Variants in HDAC9 observed in about 807,000 individuals in gnomAD.
HDAC9 encodes the protein histone deacetylase 9.
In HDAC9, 41 loss-of-function variants were observed where a neutral mutation model predicts 139.4. That is an observed-to-expected ratio of 0.29 (90% CI 0.23 to 0.38). The LOEUF (loss-of-function observed/expected upper bound fraction) is 0.38. HDAC9 is among the 10% of genes least tolerant of loss of function. The pLI is 1.00. For missense variants in HDAC9, 1,147 were observed against 1,297.0 expected (o/e 0.88, Z 1.78); for synonymous variants, 517 against 476.2 (o/e 1.09, Z -1.12).
At chr7:18,496,183 A>T (rs1796890484) in intron 1 of HDAC9, 79 bp from the exon 2 acceptor site, 2 of 1,516,420 alleles carry the variant, frequency 1.3e-6, no homozygotes, top group Non-Finnish European at 1.8e-6. Flanking sequence ...AGCAGTGATG[A>T]ATGTTTCATG....
At chr7:18,504,111 G>A (rs1177552054) in intron 2 of HDAC9, among the ~76,000 whole-genome samples, 1 of 152,112 alleles carries the variant, frequency 6.6e-6, no homozygotes, top group Admixed American at 6.5e-5. Flanking sequence ...CTTGTGTTAA[G>A]CACTGTTTTA....
chr7:18,721,191 A>G (rs904668453), intron 12 of HDAC9, among the ~76,000 whole-genome samples: 5 of 152,160 alleles, frequency 3.3e-5, no homozygotes, highest in African/African-American at 1.2e-4. Context: ...TATTACAACA[A>G]TGAACACTCA....
chr7:18,867,155 A>C (rs1049385945), intron 21 of HDAC9, among the ~76,000 whole-genome samples: 1 of 152,214 alleles, frequency 6.6e-6, no homozygotes, highest in Non-Finnish European at 1.5e-5. Flanking sequence ...GGAGACATGC[A>C]GGGAAGAAGG....
chr7:18,421,730 G>T (rs1391123518), intron 1 of HDAC9, among the ~76,000 whole-genome samples: 1 of 152,118 alleles, frequency 6.6e-6, no homozygotes, highest in Non-Finnish European at 1.5e-5. Flanking sequence ...TAAGCATTTA[G>T]CTCCCCCAAA....
intron 11 of HDAC9, among the ~76,000 whole-genome samples, chr7:18,654,067 A>T (rs1249282993): frequency 6.6e-6 from 1 of 152,174 alleles, no homozygotes; most frequent in Admixed American, 6.6e-5. Flanking sequence ...ACTATTGAAA[A>T]AAGTATAAGT....
At chr7:18,525,135 A>G (rs1338895909) in intron 2 of HDAC9, among the ~76,000 whole-genome samples, 1 of 152,126 alleles carries the variant, frequency 6.6e-6, no homozygotes, top group Non-Finnish European at 1.5e-5. Flanking sequence ...TTTCCATGCA[A>G]TAATGTGTTT....
rs753728937 is a variant in HDAC9, at chr7:18,648,509, G to C, written c.1293G>C (p.Glu431Asp). The C allele has an allele frequency of 1.2e-6, 2 of 1,613,452 alleles. No individual in the cohort carries two copies. Among genetic ancestry groups the C allele is most frequent in the Non-Finnish European group, 1.7e-6 (2 of 1,179,726 alleles). ...LHPQSPLATK[E>D]RISPGIRGTH... Reference sequence around the variant, plus strand: ...CTCAGTCTCCCTTGGCAACAAAAGAGAGAATTTCACCTGGCATTAGAGGTA... The same window carrying C: ...CTCAGTCTCCCTTGGCAACAAAAGACAGAATTTCACCTGGCATTAGAGGTA... The change falls in exon 11 of 26, where the codon GAG becomes GAC. Residue 431 changes from glutamate to aspartate, a missense_variant. By Grantham distance (45) the Glu-to-Asp change is conservative. Transcript: ENST00000686413.
chr7:18,162,685 A>T (rs1197733688), intron 2 of HDAC9: 3 of 255,476 alleles, frequency 1.2e-5, no homozygotes, highest in Non-Finnish European at 1.5e-5. Context: ...TTTCTGTCCT[A>T]ACATGTGTCT....
At chr7:18,446,109 G>A (rs1792268126) in intron 1 of HDAC9, among the ~76,000 whole-genome samples, 1 of 152,194 alleles carries the variant, frequency 6.6e-6, no homozygotes, top group Non-Finnish European at 1.5e-5. Flanking sequence ...CCAGCAAAGA[G>A]GATAATGTGC....
Position 18,110,753 on chromosome 7 carries a change from G to A in HDAC9, c.-97+23540G>A, listed in dbSNP as rs996355330. Reference sequence around the variant, plus strand: ...GTTGAGTTGGAGTGAGGAAAGACGGGGGCCAGGAGCTTGGGAGGCTATTAC... The same window carrying A: ...GTTGAGTTGGAGTGAGGAAAGACGGAGGCCAGGAGCTTGGGAGGCTATTAC... On this transcript the variant is annotated intron_variant, in intron 1 of 12. Coordinates refer to the HDAC9 transcript ENST00000417496. 5.3e-5 allele frequency among the ~76,000 whole-genome samples: 8 copies of A among 152,308 alleles called. No homozygotes were observed. The South Asian group carries it at 6.2e-4, about 12-fold the overall frequency.
intron 12 of HDAC9, chr7:18,666,817 A>C: frequency 9.2e-7 from 1 of 1,083,804 alleles, no homozygotes; most frequent in Non-Finnish European, 1.1e-6. Flanking sequence ...AAAGAAAACA[A>C]ATTCACTGTT....
intron 1 of HDAC9, among the ~76,000 whole-genome samples, chr7:18,468,090 G>A (rs533015430): frequency 2.6e-5 from 4 of 152,198 alleles, no homozygotes; most frequent in Middle Eastern, 3.4e-3. Context: ...ATGACTTATC[G>A]CTGGTGATGT....
chr7:18,478,618 G>A (rs1586182344), intron 1 of HDAC9, among the ~76,000 whole-genome samples: 1 of 152,278 alleles, frequency 6.6e-6, no homozygotes, highest in Admixed American at 6.5e-5. Context: ...ATTTAGCCAA[G>A]ATTCAATTTA....
At chr7:18,716,480 G>C (rs574688192) in intron 12 of HDAC9, among the ~76,000 whole-genome samples, 11 of 152,102 alleles carry the variant, frequency 7.2e-5, no homozygotes, top group African/African-American at 2.4e-4. Flanking sequence ...TTGATTTAAA[G>C]TGGTCATTTT....
intron 1 of HDAC9, among the ~76,000 whole-genome samples, chr7:18,477,684 G>C (rs1990098809): frequency 6.6e-6 from 1 of 152,066 alleles, no homozygotes; most frequent in African/African-American, 2.4e-5. Context: ...AATTACATAA[G>C]AGTTCCAGAA....
chr7:18,715,942 G>A (rs541005182), intron 12 of HDAC9, among the ~76,000 whole-genome samples: 2 of 152,166 alleles, frequency 1.3e-5, no homozygotes, highest in South Asian at 2.1e-4. Context: ...ACAGATCCTA[G>A]ACTGAGAATA....
intron 2 of HDAC9, among the ~76,000 whole-genome samples, chr7:18,180,263 A>ACACCCCCCC (rs1554322967): frequency 2.0e-5 from 3 of 149,542 alleles, no homozygotes; most frequent in African/African-American, 7.4e-5. Flanking sequence ...ACACACACAC[A>ACACCCCCCC]CACACACACA....
intron 15 of HDAC9, among the ~76,000 whole-genome samples, chr7:18,762,514 A>G (rs764586773): frequency 6.6e-6 from 1 of 152,236 alleles, no homozygotes; most frequent in Non-Finnish European, 1.5e-5. Flanking sequence ...CCTTCATTTG[A>G]ATAACATTTG....
intron 1 of HDAC9, among the ~76,000 whole-genome samples, chr7:18,154,679 T>A (rs1452048462): frequency 6.6e-6 from 1 of 152,230 alleles, no homozygotes. Context: ...GTGGGGATTA[T>A]CAGATCTTCA....
Sources: allele counts gnomAD v4.1 joint callset (sites outside exome capture counted in the v4.1 genomes callset), GRCh38; gene constraint gnomAD v4.1.1; transcripts MANE v1.5; gene names NCBI Gene and HGNC (gene_info 2026-07-23, HGNC 2026-07-21).